Variants in PCDHA3 observed in about 807,000 individuals in gnomAD.
The protein encoded by PCDHA3 is protocadherin alpha 3.
Under a neutral mutation model 62.2 loss-of-function variants are expected in PCDHA3, and 41 were observed. The ratio of observed to expected loss-of-function variants is 0.66; its 90% CI spans 0.51 to 0.86. The LOEUF is 0.86. PCDHA3 is among the 40% of genes least tolerant of loss of function. The pLI, the probability that PCDHA3 is intolerant of heterozygous loss-of-function variation, is 0.00. For synonymous variants in PCDHA3, 640 were observed against 555.4 expected (o/e 1.15, Z -2.14); for missense variants, 1,304 against 1,241.2 (o/e 1.05, Z -0.76).
At chr5:140,870,543 CGCGGACGCGCAG>C in intron 1 of PCDHA3, 1 of 1,614,114 alleles carries the variant, frequency 6.2e-7, no homozygotes, top group Non-Finnish European at 8.5e-7. Context: ...CGGCGCGGGA[CGCGGACGCGCAG>C]GAGAACGCGC....
In PCDHA3 at chr5:140,819,267, T is replaced by C. The variant is rs114370260; in HGVS notation, c.2394+15676T>C. On this transcript the variant is annotated intron_variant, in intron 1 of 3. Transcript: ENST00000522353. ...CAATCTGGTATATCTATATAATTTCTATAGATAAGAGAAGAAAAATATAGC... is the reference window on the plus strand; with the variant it reads ...CAATCTGGTATATCTATATAATTTCCATAGATAAGAGAAGAAAAATATAGC... Among the ~76,000 whole-genome samples, 735 of 152,302 alleles carry C rather than the reference T, an allele frequency of 4.8e-3. 10 individuals carry two copies. The highest frequency in any genetic ancestry group is 0.017 in the African/African-American group (707 of 41,588).
At chr5:140,876,086 C>G (rs371336139) in intron 1 of PCDHA3, 7 of 1,613,778 alleles carry the variant, frequency 4.3e-6, no homozygotes, top group Non-Finnish European at 1.7e-6. Flanking sequence ...AGAGAGCAAA[C>G]GCCAAAACTC....
chr5:140,850,264 T>C (rs2150476504), intron 1 of PCDHA3: 2 of 1,594,136 alleles, frequency 1.3e-6, no homozygotes, highest in Admixed American at 1.7e-5. Flanking sequence ...GCCGGCGTAG[T>C]GGTGGGGAAG....
rs1444177179 is a variant in PCDHA3 at position 140,984,821 on chromosome 5, T to C, written c.2542+2258T>C. On this transcript the variant is annotated intron_variant, in intron 3 of 3. Transcript: ENST00000522353. ...CTGCCTGAATTCATATTTTCTTAAT[T>C]ACCCTTTCTGTAAATTGGGTGTAGT... Among the ~76,000 whole-genome samples, 4 of 152,192 alleles carry C rather than the reference T, an allele frequency of 2.6e-5. No individual in the cohort carries two copies. In the East Asian group the frequency reaches 7.7e-4, roughly 29 times the overall value.
chr5:140,902,209 T>C (rs1583451921), intron 1 of PCDHA3, among the ~76,000 whole-genome samples: 2 of 150,148 alleles, frequency 1.3e-5, no homozygotes, highest in African/African-American at 4.9e-5. Context: ...CTTTCTTTTT[T>C]TTTTTTTTTT....
At position 140,803,469 on chromosome 5, in the gene PCDHA3, G is replaced by A. The variant is rs781860611; in HGVS notation, c.2272G>A (p.Val758Met). The change falls in exon 1 of 4, where the codon GTG becomes ATG. Residue 758 changes from valine (V) to methionine (M), a missense_variant. Val to Met is a conservative substitution (Grantham distance 21). Coordinates refer to ENST00000522353, the MANE Select transcript of PCDHA3 (RefSeq NM_018906.3). ...WSYSQQRQQR[V>M]CSGEGLPKTD... ...ATACTCGCAGCAGAGGCAGCAGAGG[G>A]TGTGCTCTGGAGAGGGGTTGCCCAA... 5 of 1,614,112 alleles carry A rather than the reference G, an allele frequency of 3.1e-6. No homozygotes were observed. Among genetic ancestry groups the A allele is most frequent in the Non-Finnish European group, 3.4e-6 (4 of 1,180,044 alleles).
intron 1 of PCDHA3, chr5:140,829,600 G>C (rs782636374): frequency 6.2e-7 from 1 of 1,612,044 alleles, no homozygotes; most frequent in Non-Finnish European, 8.5e-7. Flanking sequence ...GCGAGCGCGC[G>C]TTGTCGAGCT....
At chr5:140,855,357 A>C (rs2043441484) in intron 1 of PCDHA3, among the ~76,000 whole-genome samples, 1 of 150,032 alleles carries the variant, frequency 6.7e-6, no homozygotes, top group South Asian at 2.1e-4. Context: ...TCATGTGGCT[A>C]GTGAGTAGGA....
At chr5:140,882,481 C>T in intron 1 of PCDHA3, 2 of 1,614,038 alleles carry the variant, frequency 1.2e-6, no homozygotes, top group Middle Eastern at 1.7e-4. Flanking sequence ...CCAAAAGACA[C>T]GGGGACCTTC....
At chr5:140,961,271 AC>A (rs1460316643) in intron 1 of PCDHA3, among the ~76,000 whole-genome samples, 1 of 152,208 alleles carries the variant, frequency 6.6e-6, no homozygotes, top group Non-Finnish European at 1.5e-5. Context: ...GCTTCTTTTT[AC>A]CATGGCTCTG....
intron 1 of PCDHA3, chr5:140,843,780 GT>G: frequency 7.0e-7 from 1 of 1,429,410 alleles, no homozygotes; most frequent in Non-Finnish European, 9.6e-7. Context: ...CTTTAAAAGT[GT>G]TTCAGATTTA....
intron 1 of PCDHA3, chr5:140,877,514 G>C: frequency 6.2e-7 from 1 of 1,613,764 alleles, no homozygotes; most frequent in South Asian, 1.1e-5. Context: ...ACGTCGTCGC[G>C]GGCCTCAGTG....
intron 1 of PCDHA3, among the ~76,000 whole-genome samples, chr5:140,947,275 T>C (rs246050): frequency 1.3e-5 from 2 of 151,244 alleles, no homozygotes; most frequent in Non-Finnish European, 3.0e-5. Flanking sequence ...GAAAATACTT[T>C]TTCTTTTTAT....
rs1490529127 is a variant in PCDHA3 at position 140,806,818 on chromosome 5, CT to C, written c.2394+3228del. The C allele has an allele frequency of 8.8e-5, 20 of 228,278 alleles. No homozygotes were observed. The Middle Eastern group carries it at 3.4e-3, about 39-fold the overall frequency. The allele number at this position is 228,278 out of a possible 1,614,324, so 14.1% of individuals were successfully genotyped here. On this transcript the variant is annotated intron_variant, in intron 1 of 3. Transcript: ENST00000522353. ...ATTTCTACTGAAGTAAAAGTTGCCC[CT>C]ATGGCGAAACTAAGGACCACACTCA...
At chr5:140,835,792 C>G (rs2150244938) in intron 1 of PCDHA3, 3 of 1,613,122 alleles carry the variant, frequency 1.9e-6, no homozygotes, top group Non-Finnish European at 2.5e-6. Flanking sequence ...AACAACCCGC[C>G]GGGCTGCCAC....
chr5:140,876,185 A>AC (rs782573528), intron 1 of PCDHA3: 1 of 1,613,986 alleles, frequency 6.2e-7, no homozygotes, highest in East Asian at 2.2e-5. Context: ...GTGAATGACA[A>AC]TGGTCCGGCG....
At chr5:140,830,321 G>T (rs2150184954) in intron 1 of PCDHA3, 3 of 1,613,998 alleles carry the variant, frequency 1.9e-6, no homozygotes, top group Admixed American at 1.7e-5. Flanking sequence ...GTGCTCCAGC[G>T]CAGTGGGGAG....
At chr5:140,917,047 G>A (rs183820401) in intron 1 of PCDHA3, among the ~76,000 whole-genome samples, 11 of 152,262 alleles carry the variant, frequency 7.2e-5, no homozygotes, top group Admixed American at 5.2e-4. Context: ...GCACAGTGTT[G>A]TTCCCTGCTA....
At chr5:140,905,182 A>C (rs1283931938) in intron 1 of PCDHA3, among the ~76,000 whole-genome samples, 1 of 152,172 alleles carries the variant, frequency 6.6e-6, no homozygotes. Context: ...TTTAGATTTA[A>C]GTCTTTGATC....
Sources: allele counts gnomAD v4.1 joint callset (sites outside exome capture counted in the v4.1 genomes callset), GRCh38; gene constraint gnomAD v4.1.1; transcripts MANE v1.5; gene names NCBI Gene and HGNC (gene_info 2026-07-23, HGNC 2026-07-21).